The following ICMT variants were observed in gnomAD, a reference collection of about 807,000 sequenced individuals.
ICMT encodes isoprenylcysteine carboxyl methyltransferase, also known as protein-S-isoprenylcysteine O-methyltransferase.
Under a neutral mutation model 32.2 loss-of-function variants are expected in ICMT, and 10 were observed. The ratio of observed to expected loss-of-function variants is 0.31; its 90% CI spans 0.19 to 0.53. The LOEUF (loss-of-function observed/expected upper bound fraction) is 0.53, where lower values mean the gene tolerates loss of function less well. Among genes scored for constraint, ICMT ranks in the 20% least tolerant of loss-of-function variants. The probability of loss-of-function intolerance (pLI) is 0.96; values close to 1 mark genes in which losing one functional copy is unlikely to be tolerated. For synonymous variants in ICMT, 183 were observed against 158.2 expected, an observed-to-expected ratio of 1.16 and a Z score of -1.18; for missense variants, 265 against 356.9, an observed-to-expected ratio of 0.74 and a Z score of 2.07.
chr1:6,231,551 A>G (rs894556310), intron 4 of ICMT, among the ~76,000 whole-genome samples: 1 of 152,056 alleles, frequency 6.6e-6, no homozygotes, highest in African/African-American at 2.4e-5. Context: ...TACCAAAAAA[A>G]AAAAAAGAAA....
At chr1:6,235,584 C>T in intron 1 of ICMT, 133 bp downstream of exon 1, 1 of 509,108 alleles carries the variant, frequency 2.0e-6, no homozygotes, top group Non-Finnish European at 2.7e-6. Context: ...TCCCCTCCTG[C>T]GACCTGAACT....
In ICMT at chr1:6,231,894, T is replaced by G; in HGVS notation, c.672+8A>C. 6.7e-7 allele frequency: 1 copy of G among 1,497,698 alleles called. No individual in the cohort carries two copies. 92.8% of individuals were successfully genotyped at this position (1,497,698 alleles called of 1,614,324 possible). A position where few individuals can be genotyped will look rare whatever the true frequency, so the allele number is the denominator to read the frequency against. On this transcript the variant is annotated splice_region_variant and intron_variant, in intron 4 of 4. Coordinates refer to ENST00000343813, the MANE Select transcript of ICMT (RefSeq NM_012405.4). ...AAAAGAAAAGCAGTGTCATATTTAA[T>G]ATTATACCTGAGTTCCAATACTCCA...
intron 3 of ICMT, 129 bp downstream of exon 3, chr1:6,233,345 G>A (rs1427580413): frequency 1.3e-6 from 1 of 783,146 alleles, no homozygotes; most frequent in Non-Finnish European, 2.1e-6. Flanking sequence ...AAATAGCTTA[G>A]TGAGGATAGA....
chr1:6,230,628 G>A (rs1668719672), intron 4 of ICMT, among the ~76,000 whole-genome samples: 1 of 148,520 alleles, frequency 6.7e-6, no homozygotes, highest in South Asian at 2.2e-4. Context: ...GGTGGCTCAT[G>A]CCTATAATCC....
In ICMT at chr1:6,235,898, G is replaced by A. The variant is rs531967160; in HGVS notation, c.14C>T (p.Ala5Val). 3 of 1,128,352 alleles carry A rather than the reference G, an allele frequency of 2.7e-6. No homozygotes were observed. The highest frequency in any genetic ancestry group is 4.9e-5 in the East Asian group (1 of 20,572). The allele number at this position is 1,128,352 out of a possible 1,614,324, so 69.9% of individuals were successfully genotyped here. A position where few individuals can be genotyped will look rare whatever the true frequency, so the allele number is the denominator to read the frequency against. The change falls in exon 1 of 5, where the codon GCG becomes GTG. Residue 5 changes from alanine to valine, a missense_variant. Ala to Val is a moderately conservative substitution (Grantham distance 64). Around this residue, in one of 2 missense-constraint regions of ICMT, gnomAD observed 99 missense variants for 92.6 expected, o/e 1.07. Coordinates refer to ENST00000343813, the MANE Select transcript of ICMT (RefSeq NM_012405.4). Reference protein sequence around the residue: MAGCAARAPPGSEAR... With the variant: MAGCVARAPPGSEAR... Reference sequence around the variant, plus strand: ...CTCAGAGCCCGGCGGAGCCCGCGCCGCGCAGCCCGCCATGGCGCCGGGCGG... The same window carrying A: ...CTCAGAGCCCGGCGGAGCCCGCGCCACGCAGCCCGCCATGGCGCCGGGCGG...
chr1:6,232,147 C>T (rs375746591), intron 3 of ICMT, 28 bp from the exon 4 acceptor site: 9 of 1,571,128 alleles, frequency 5.7e-6, no homozygotes, highest in Middle Eastern at 1.7e-4. Flanking sequence ...CAACGACACA[C>T]GGGGAGTGAA....
Position 6,230,076 on chromosome 1 carries a change from GC to G in ICMT, c.672+1825del, listed in dbSNP as rs551805065. ...AGGCCAAGGTAGGAGGATGGCTTGA[GC>G]CCAGGAGTTCAAGACCAGCATGGGC... On this transcript the variant is annotated intron_variant, in intron 4 of 4. Transcript: ENST00000343813. 3.6e-3 allele frequency among the ~76,000 whole-genome samples: 553 copies of G among 151,720 alleles called. 2 individuals carry two copies. The highest frequency in any genetic ancestry group is 0.012 in the African/African-American group (510 of 41,312).
chr1:6,232,756 C>G (rs1003819929), intron 3 of ICMT, among the ~76,000 whole-genome samples: 2 of 152,182 alleles, frequency 1.3e-5, no homozygotes, highest in African/African-American at 4.8e-5. Context: ...CCATGCTGGT[C>G]AGGCTGGTTT....
intron 2 of ICMT, chr1:6,234,546 GA>G: frequency 2.1e-6 from 1 of 487,754 alleles, no homozygotes. Context: ...GGCCCATGAA[GA>G]CAAGCCAGAG....
chr1:6,225,116 G>A lies in ICMT; in HGVS notation c.819C>T (p.Gly273=). The A allele has an allele frequency of 6.2e-7, 1 of 1,614,008 alleles. No individual in the cohort carries two copies. The highest frequency in any genetic ancestry group is 8.5e-7 in the Non-Finnish European group (1 of 1,179,920). ...CCTTGACCCCCTTTATGAAAGGCAG[G>A]CCCGTGGGCACCCTCTTCTTATACT... ...YLEYKKRVPT[G]LPFIKGVKVD... Residue 273 remains glycine, a synonymous_variant, in exon 5 of 5, where the codon GGC becomes GGT. Coordinates refer to ENST00000343813, the MANE Select transcript of ICMT (RefSeq NM_012405.4).
chr1:6,225,776 CCT>C (rs151206319), intron 4 of ICMT, among the ~76,000 whole-genome samples: 6,049 of 152,202 alleles, frequency 0.04, 381 homozygotes, highest in African/African-American at 0.13. Flanking sequence ...AACCCCACCC[CCT>C]GAGTCTGGGT....
chr1:6,231,403 T>C (rs1163850001), intron 4 of ICMT, among the ~76,000 whole-genome samples: 1 of 151,812 alleles, frequency 6.6e-6, no homozygotes, highest in Non-Finnish European at 1.5e-5. Flanking sequence ...GATCTATTAA[T>C]AGGTTGAAGG....
chr1:6,234,134 T>TA (rs1467838169), intron 2 of ICMT, among the ~76,000 whole-genome samples: 1 of 152,022 alleles, frequency 6.6e-6, no homozygotes, highest in East Asian at 1.9e-4. Context: ...CTCGGCCTCC[T>TA]AAAGTGCTGG....
At chr1:6,228,764 C>A (rs1668683896) in intron 4 of ICMT, among the ~76,000 whole-genome samples, 2 of 152,082 alleles carry the variant, frequency 1.3e-5, no homozygotes, top group Admixed American at 1.3e-4. Context: ...CAGTGGCTCA[C>A]GCCTGTAATC....
At chr1:6,230,291 T>G (rs1158251765) in intron 4 of ICMT, among the ~76,000 whole-genome samples, 1 of 152,148 alleles carries the variant, frequency 6.6e-6, no homozygotes, top group Non-Finnish European at 1.5e-5. Context: ...ATTTTTGTAT[T>G]TTTAATAGAG....
At chr1:6,233,328 C>A (rs1236411644) in intron 3 of ICMT, 146 bp downstream of exon 3, 1 of 712,932 alleles carries the variant, frequency 1.4e-6, no homozygotes, top group East Asian at 2.5e-5. Flanking sequence ...CGGAGCTCAT[C>A]CTTTATAAAT....
chr1:6,234,677 T>G (rs1428985535), intron 2 of ICMT, among the ~76,000 whole-genome samples: 2 of 152,224 alleles, frequency 1.3e-5, no homozygotes, highest in East Asian at 3.9e-4. Flanking sequence ...GGAGATCTGT[T>G]TCTGCCTGAT....
chr1:6,234,985 C>A lies in ICMT; in HGVS notation c.196-11G>T. ...AGCTCGGATGGCTATCTGAAAGGAA[C>A]CCAAGAGAAGCTCAGTCATTCACAG... On this transcript the variant is annotated splice_polypyrimidine_tract_variant and intron_variant, in intron 1 of 4. Transcript: ENST00000343813. The A allele has an allele frequency of 6.2e-7, 1 of 1,610,380 alleles. No homozygotes were observed. Among genetic ancestry groups the A allele is most frequent in the Non-Finnish European group, 8.5e-7 (1 of 1,177,280 alleles).
intron 4 of ICMT, among the ~76,000 whole-genome samples, chr1:6,226,058 T>C (rs1249286781): frequency 1.3e-5 from 2 of 152,132 alleles, no homozygotes; most frequent in Non-Finnish European, 2.9e-5. Flanking sequence ...TTTCACAATG[T>C]TGCCCAAGCT....
Sources: gnomAD v4.1 joint callset for allele counts (sites outside exome capture counted in the v4.1 genomes callset) on GRCh38, gnomAD v4.1.1 for gene constraint, gnomAD v4.1.1 regional missense constraint, MANE v1.5 for transcripts, NCBI Gene and HGNC (gene_info 2026-07-23, HGNC 2026-07-21) for gene names.